The following ATF7IP2 variants were observed in gnomAD, a reference collection of about 807,000 sequenced individuals.
The protein encoded by ATF7IP2 is activating transcription factor 7-interacting protein 2.
Under a neutral mutation model 64.2 loss-of-function variants are expected in ATF7IP2, and 42 were observed. That is an observed-to-expected ratio of 0.65 (90% CI 0.51 to 0.85). The LOEUF (loss-of-function observed/expected upper bound fraction) is 0.85, where lower values mean the gene tolerates loss of function less well. Ranked by LOEUF, ATF7IP2 falls within the 40% of genes least tolerant of loss-of-function variation. The pLI is 0.00. For synonymous variants in ATF7IP2, 308 were observed against 272.8 expected (o/e 1.13, Z -1.27); for missense variants, 933 against 784.2 (o/e 1.19, Z -2.27).
Position 10,430,957 on chromosome 16 carries a change from G to C in ATF7IP2, c.337G>C (p.Val113Leu). 3 of 1,614,086 alleles carry C rather than the reference G, an allele frequency of 1.9e-6. No homozygotes were observed. Among genetic ancestry groups the C allele is most frequent in the Non-Finnish European group, 2.5e-6 (3 of 1,180,020 alleles). ...VHSETKLEQV[V>L]CSYQKPSRTT... ...TTCAGAAACAAAATTGGAACAAGTT[G>C]TTTGTTCGTACCAAAAGCCAAGTAG... is the stretch of plus-strand genomic sequence containing the variant. Residue 113 changes from valine to leucine, a missense_variant, in exon 5 of 14, where the codon GTT becomes CTT. Coordinates refer to ENST00000562102, the MANE Select transcript of ATF7IP2 (RefSeq NM_001393719.1).
At chr16:10,459,609 T>C (rs921984329) in intron 9 of ATF7IP2, among the ~76,000 whole-genome samples, 1 of 152,142 alleles carries the variant, frequency 6.6e-6, no homozygotes, top group African/African-American at 2.4e-5. Context: ...ATCACGCCAC[T>C]GTACTCCAGC....
chr16:10,421,800 T>G (rs139509543), intron 3 of ATF7IP2, among the ~76,000 whole-genome samples: 3,419 of 152,320 alleles, frequency 0.022, 145 homozygotes, highest in African/African-American at 0.078. Context: ...TCTGGCAAAT[T>G]GTTGGACTGT....
chr16:10,411,418 C>T (rs1205631825), intron 1 of ATF7IP2, among the ~76,000 whole-genome samples: 1 of 144,538 alleles, frequency 6.9e-6, no homozygotes, highest in Non-Finnish European at 1.5e-5. Flanking sequence ...TTTTTTGAGA[C>T]AGAGTCTGGC....
intron 7 of ATF7IP2, among the ~76,000 whole-genome samples, chr16:10,439,239 C>T (rs1047020054): frequency 2.0e-5 from 3 of 151,492 alleles, no homozygotes; most frequent in South Asian, 2.1e-4. Context: ...TGTTTTGTTT[C>T]GTTTGTTTGA....
chr16:10,393,591 T>A (rs760125660), intron 1 of ATF7IP2, among the ~76,000 whole-genome samples: 1 of 152,182 alleles, frequency 6.6e-6, no homozygotes, highest in African/African-American at 2.4e-5. Flanking sequence ...TAGGCTAATA[T>A]GAGTGTTCTG....
chr16:10,437,072 A>G (rs564021615), intron 6 of ATF7IP2, among the ~76,000 whole-genome samples: 1 of 147,694 alleles, frequency 6.8e-6, no homozygotes, highest in Non-Finnish European at 1.5e-5. Context: ...CCAGGCCTGG[A>G]GTACAGTGGT....
At chr16:10,394,277 T>C (rs527888493) in intron 1 of ATF7IP2, among the ~76,000 whole-genome samples, 22 of 152,274 alleles carry the variant, frequency 1.4e-4, no homozygotes, top group Non-Finnish European at 2.6e-4. Flanking sequence ...ACTGAAACAG[T>C]ATTGCTGGAG....
At chr16:10,429,734 A>T (rs201581499) in intron 4 of ATF7IP2, among the ~76,000 whole-genome samples, 1,570 of 101,738 alleles carry the variant, frequency 0.015, 67 homozygotes, top group East Asian at 0.09. Flanking sequence ...TATTTTATTT[A>T]TTTTATTTTA....
intron 8 of ATF7IP2, among the ~76,000 whole-genome samples, chr16:10,454,723 A>C (rs1340820160): frequency 1.3e-5 from 2 of 152,156 alleles, no homozygotes; most frequent in African/African-American, 2.4e-5. Flanking sequence ...GCATCTTCTT[A>C]GTGGTTAGAT....
At chr16:10,466,360 G>GTACA (rs2049571193) in intron 9 of ATF7IP2, among the ~76,000 whole-genome samples, 1 of 152,186 alleles carries the variant, frequency 6.6e-6, no homozygotes, top group Admixed American at 6.6e-5. Context: ...TTTGGTGAAT[G>GTACA]TACATATATA....
intron 12 of ATF7IP2, among the ~76,000 whole-genome samples, chr16:10,480,670 C>T (rs2050187980): frequency 6.7e-6 from 1 of 150,158 alleles, no homozygotes; most frequent in Non-Finnish European, 1.5e-5. Context: ...AAAGTGTTTA[C>T]CTTAAGGGGA....
Position 10,440,265 on chromosome 16 carries a change from AG to A in ATF7IP2, c.1096-97del, listed in dbSNP as rs2048569788. On this transcript the variant is annotated intron_variant, in intron 7 of 13. Coordinates refer to ENST00000562102, the MANE Select transcript of ATF7IP2 (RefSeq NM_001393719.1). ...GAATTTTTCATTTGGGTAGATGTCT[AG>A]GTCTTACAAAACTACTTTGGCAAAT... is the stretch of plus-strand genomic sequence containing the variant. 17 of 551,100 alleles carry A rather than the reference AG, an allele frequency of 3.1e-5. 1 individual carries two copies. The South Asian group carries it at 5.1e-4, about 16-fold the overall frequency. 34.1% of individuals were successfully genotyped at this position (551,100 alleles called of 1,614,324 possible).
chr16:10,406,338 T>C (rs2047639234), intron 1 of ATF7IP2, among the ~76,000 whole-genome samples: 1 of 152,222 alleles, frequency 6.6e-6, no homozygotes, highest in South Asian at 2.1e-4. Context: ...TCTCCTGGGC[T>C]CAAGCTGTCC....
At chr16:10,453,286 G>T (rs2049049255) in intron 8 of ATF7IP2, among the ~76,000 whole-genome samples, 1 of 152,162 alleles carries the variant, frequency 6.6e-6, no homozygotes, top group South Asian at 2.1e-4. Flanking sequence ...TATCTGGGCT[G>T]GAGTGTACCG....
intron 3 of ATF7IP2, among the ~76,000 whole-genome samples, chr16:10,427,239 G>C (rs4780917): frequency 0.59 from 89,153 of 152,008 alleles, 26,296 homozygotes; most frequent in East Asian, 0.69. Context: ...AAATAACCAG[G>C]AATTTTTACA....
intron 8 of ATF7IP2, chr16:10,446,738 A>T (rs1448317782): frequency 1.3e-5 from 2 of 152,104 alleles, no homozygotes; most frequent in African/African-American, 4.8e-5. Context: ...ATCAGGGGGA[A>T]TGTTATTGCT....
chr16:10,452,237 T>G (rs2049008867), intron 8 of ATF7IP2, among the ~76,000 whole-genome samples: 1 of 152,230 alleles, frequency 6.6e-6, no homozygotes, highest in Admixed American at 6.5e-5. Flanking sequence ...TTGGGCTGGT[T>G]TCTCCCCATC....
At chr16:10,474,034 G>C (rs374253366) in intron 12 of ATF7IP2, 45 bp downstream of exon 12, 22 of 1,294,254 alleles carry the variant, frequency 1.7e-5, no homozygotes, top group South Asian at 2.5e-5. Context: ...AGGAGGGAAG[G>C]GTAACAACTC....
chr16:10,435,262 G>A (rs1445861157), intron 6 of ATF7IP2, among the ~76,000 whole-genome samples: 1 of 152,224 alleles, frequency 6.6e-6, no homozygotes, highest in Non-Finnish European at 1.5e-5. Context: ...TCATTTCTTA[G>A]CCTTTTGAGG....
Sources: allele counts gnomAD v4.1 joint callset (sites outside exome capture counted in the v4.1 genomes callset), GRCh38; gene constraint gnomAD v4.1.1; transcripts MANE v1.5; gene names NCBI Gene and HGNC (gene_info 2026-07-23, HGNC 2026-07-21).